The following GPCPD1 variants were observed in gnomAD, a reference collection of about 807,000 sequenced individuals.
GPCPD1 encodes the protein glycerophosphocholine phosphodiesterase GPCPD1.
A neutral mutation model predicts 89.2 loss-of-function variants in GPCPD1; 29 were observed. That is an observed-to-expected ratio of 0.33 (90% CI 0.24 to 0.44). The LOEUF (loss-of-function observed/expected upper bound fraction) is 0.44, where lower values mean the gene tolerates loss of function less well. GPCPD1 is among the 20% of genes least tolerant of loss of function. The pLI, the probability that GPCPD1 is intolerant of heterozygous loss-of-function variation, is 1.00. For missense variants in GPCPD1, 594 were observed against 808.9 expected, an observed-to-expected ratio of 0.73 and a Z score of 3.22; for synonymous variants, 258 against 266.3, an observed-to-expected ratio of 0.97 and a Z score of 0.30.
intron 10 of GPCPD1, among the ~76,000 whole-genome samples, chr20:5,574,377 C>T (rs1467452787): frequency 1.3e-5 from 2 of 152,110 alleles, no homozygotes; most frequent in East Asian, 1.9e-4. Flanking sequence ...CTGACACACA[C>T]ACAGGATAGA....
chr20:5,555,298 G>A (rs1307629127), intron 19 of GPCPD1, among the ~76,000 whole-genome samples: 2 of 152,242 alleles, frequency 1.3e-5, no homozygotes, highest in African/African-American at 2.4e-5. Flanking sequence ...AGCACTTTGG[G>A]AGGTAAAGGC....
chr20:5,549,499 A>T (rs1327990599), intron 19 of GPCPD1: 1 of 1,157,696 alleles, frequency 8.6e-7, no homozygotes, highest in Non-Finnish European at 1.3e-6. Context: ...CCTTCTGAGT[A>T]TTCTTCTGAG....
intron 3 of GPCPD1, among the ~76,000 whole-genome samples, chr20:5,595,296 T>C (rs1979634293): frequency 1.3e-5 from 2 of 151,874 alleles, no homozygotes; most frequent in Admixed American, 1.3e-4. Flanking sequence ...TAAAGTATAA[T>C]AATAAAAAAT....
At chr20:5,595,474 C>T (rs1414692020) in intron 3 of GPCPD1, among the ~76,000 whole-genome samples, 1 of 151,816 alleles carries the variant, frequency 6.6e-6, no homozygotes, top group Non-Finnish European at 1.5e-5. Flanking sequence ...AACCACATTT[C>T]TACAAAAAAT....
intron 2 of GPCPD1, among the ~76,000 whole-genome samples, chr20:5,599,932 G>C (rs1209089701): frequency 6.6e-6 from 1 of 152,100 alleles, no homozygotes; most frequent in African/African-American, 2.4e-5. Context: ...CCAACATAAA[G>C]CTACCACCTC....
chr20:5,565,070 CCA>C lies in GPCPD1; in HGVS notation c.1274_1275del (p.Val425GlyfsTer17). The C allele has an allele frequency of 6.6e-7, 1 of 1,511,098 alleles. No individual in the cohort carries two copies. 93.6% of individuals were successfully genotyped at this position (1,511,098 alleles called of 1,614,324 possible). A position where few individuals can be genotyped will look rare whatever the true frequency, so the allele number is the denominator to read the frequency against. On this transcript the variant is annotated frameshift_variant, in exon 15 of 20. Transcript: ENST00000379019. LOFTEE classifies it high-confidence loss of function. Reference sequence around the variant, plus strand: ...TCTGAAAAGGAATTTTCCTCCTGAACCACAGATTCTGAAATTTTAAAACACAA... The same window carrying C: ...TCTGAAAAGGAATTTTCCTCCTGAACCAGATTCTGAAATTTTAAAACACAA... ...ALKSKDRKES[V>X]VQEENSFSEN... is the part of the protein sequence containing the mutation.
At chr20:5,581,187 A>C (rs1189505153) in intron 6 of GPCPD1, among the ~76,000 whole-genome samples, 1 of 152,110 alleles carries the variant, frequency 6.6e-6, no homozygotes, top group Non-Finnish European at 1.5e-5. Flanking sequence ...CCACATTCAC[A>C]CTGTAATAAT....
At chr20:5,578,343 A>G (rs1196141331) in intron 8 of GPCPD1, 37 bp downstream of exon 8, 2 of 1,207,312 alleles carry the variant, frequency 1.7e-6, no homozygotes, top group East Asian at 2.3e-5. Flanking sequence ...TTGTCCCTGC[A>G]TTCTTTCTCA....
At chr20:5,604,774 T>TATACACACACACACACACACACACACAC (rs1555811051) in intron 1 of GPCPD1, among the ~76,000 whole-genome samples, 1 of 139,072 alleles carries the variant, frequency 7.2e-6, no homozygotes. Flanking sequence ...GCCTCATGTC[T>TATACACACACACACACACACACACACAC]ACACACACAC....
chr20:5,583,570 T>C (rs1281879466), intron 6 of GPCPD1, among the ~76,000 whole-genome samples: 2 of 152,132 alleles, frequency 1.3e-5, no homozygotes, highest in African/African-American at 4.8e-5. Flanking sequence ...ATTAGAATTC[T>C]CAGGATATAG....
In GPCPD1 at chr20:5,561,462, T is replaced by C. The variant is rs368569313; in HGVS notation, c.1395+3A>G. The stretch of plus-strand genomic sequence containing the variant: ...AGAATGTGCTGCATAGAGAATTACT[T>C]ACCCTTTGCTGGCAGATCCATTTTA... On this transcript the variant is annotated splice_donor_region_variant and intron_variant, in intron 16 of 19. Coordinates refer to ENST00000379019, the MANE Select transcript of GPCPD1 (RefSeq NM_019593.5). The C allele has an allele frequency of 6.7e-5, 102 of 1,531,066 alleles. 2 individuals carry two copies. The highest frequency in any genetic ancestry group is 9.1e-5 in the Non-Finnish European group (101 of 1,105,746). 94.8% of individuals were successfully genotyped at this position (1,531,066 alleles called of 1,614,324 possible).
In GPCPD1 at chr20:5,573,919, C is replaced by A; in HGVS notation, c.1052G>T (p.Ser351Ile). 1.3e-6 allele frequency: 2 copies of A among 1,502,080 alleles called. No individual in the cohort carries two copies. The allele number at this position is 1,502,080 out of a possible 1,614,324, so 93.0% of individuals were successfully genotyped here. A position where few individuals can be genotyped will look rare whatever the true frequency, so the allele number is the denominator to read the frequency against. Reference sequence around the variant, plus strand: ...AGTTGTTTAAAGGTTACTTACATGACTAGCAGCATTTCTTAAAGAAGCAAT... The same window carrying A: ...AGTTGTTTAAAGGTTACTTACATGAATAGCAGCATTTCTTAAAGAAGCAAT... Reference protein sequence around the residue: ...NTIASLRNAASHGAAFVEFDV... With the variant: ...NTIASLRNAAIHGAAFVEFDV... The change falls in exon 11 of 20, where the codon AGT becomes ATT. Residue 351 changes from serine to isoleucine, a missense_variant. Coordinates refer to ENST00000379019, the MANE Select transcript of GPCPD1 (RefSeq NM_019593.5).
At chr20:5,591,466 C>T (rs1979323461) in intron 4 of GPCPD1, among the ~76,000 whole-genome samples, 1 of 152,192 alleles carries the variant, frequency 6.6e-6, no homozygotes, top group South Asian at 2.1e-4. Flanking sequence ...AAACTTTTAG[C>T]TTTGGTTCCA....
rs1985110599 is a variant in GPCPD1, at chr20:5,547,753, G to A, written c.1927C>T (p.Pro643Ser). 6.2e-7 allele frequency: 1 copy of A among 1,609,376 alleles called. No individual in the cohort carries two copies. Residue 643 changes from proline (P) to serine (S), a missense_variant, in exon 20 of 20, where the codon CCC (proline) becomes TCC (serine). Physicochemically the swap from Pro to Ser is moderately conservative, Grantham distance 74. Coordinates refer to ENST00000379019, the MANE Select transcript of GPCPD1 (RefSeq NM_019593.5). Reference sequence around the variant, plus strand: ...GAGGGAACAAAGCGGCTAACAGTGGGACACAAACAGCTCTTAAGCTCTGGC... The same window carrying A: ...GAGGGAACAAAGCGGCTAACAGTGGAACACAAACAGCTCTTAAGCTCTGGC... Reference protein sequence around the residue: ...ELPELKSCLCPTVSRFVPSSL... With the variant: ...ELPELKSCLCSTVSRFVPSSL...
At chr20:5,570,916 G>C (rs1218585467) in intron 11 of GPCPD1, among the ~76,000 whole-genome samples, 1 of 151,824 alleles carries the variant, frequency 6.6e-6, no homozygotes, top group East Asian at 1.9e-4. Flanking sequence ...TTAATTTAAA[G>C]AAAAAAAGAA....
intron 8 of GPCPD1, among the ~76,000 whole-genome samples, chr20:5,576,471 C>T (rs1978289218): frequency 1.3e-5 from 2 of 150,662 alleles, no homozygotes; most frequent in Admixed American, 1.3e-4. Flanking sequence ...GATCAAAAAG[C>T]TCACAAAGTC....
intron 3 of GPCPD1, among the ~76,000 whole-genome samples, chr20:5,595,214 T>C (rs13038459): frequency 0.042 from 6,380 of 152,248 alleles, 189 homozygotes; most frequent in East Asian, 0.1. Context: ...AATCACTGCT[T>C]TAAACAAACC....
intron 6 of GPCPD1, 50 bp from the exon 7 acceptor site, chr20:5,580,181 A>G: frequency 9.8e-7 from 1 of 1,019,354 alleles, no homozygotes; most frequent in Non-Finnish European, 1.5e-6. Flanking sequence ...GTTTTTTTAA[A>G]CAACACAATA....
chr20:5,610,652 G>A, intron 1 of GPCPD1, among the ~76,000 whole-genome samples, 190 bp downstream of exon 1: 1 of 151,934 alleles, frequency 6.6e-6, no homozygotes, highest in Non-Finnish European at 1.5e-5. Context: ...GTGCGTCCCA[G>A]CCACCGATTT....
Sources: allele counts gnomAD v4.1 joint callset (sites outside exome capture counted in the v4.1 genomes callset), GRCh38; gene constraint gnomAD v4.1.1; transcripts MANE v1.5; gene names NCBI Gene and HGNC (gene_info 2026-07-23, HGNC 2026-07-21).